Variants in CCBE1 observed in about 807,000 individuals in gnomAD.
The protein encoded by CCBE1 is collagen and calcium-binding EGF domain-containing protein 1.
In CCBE1, 37 loss-of-function variants were observed where a neutral mutation model predicts 50.0. The observed-to-expected ratio is 0.74, with a 90% CI of 0.57 to 0.97. The LOEUF is 0.97. Ranked by LOEUF, CCBE1 falls within the 50% of genes least tolerant of loss-of-function variation. CCBE1 has a pLI of 0.00. For missense variants in CCBE1, 538 were observed against 523.8 expected, an observed-to-expected ratio of 1.03 and a Z score of -0.26; for synonymous variants, 234 against 203.7, an observed-to-expected ratio of 1.15 and a Z score of -1.27.
chr18:59,453,640 A>C (rs1410157913), intron 6 of CCBE1, among the ~76,000 whole-genome samples: 1 of 152,186 alleles, frequency 6.6e-6, no homozygotes, highest in Non-Finnish European at 1.5e-5. Context: ...TGAACATGGG[A>C]AAGAGATACC....
chr18:59,637,735 GT>G (rs1309029874), intron 2 of CCBE1, among the ~76,000 whole-genome samples: 1 of 152,180 alleles, frequency 6.6e-6, no homozygotes, highest in African/African-American at 2.4e-5. Context: ...TTTAAAAATT[GT>G]GGAGAAATGA....
At chr18:59,650,177 T>C (rs1200927219) in intron 2 of CCBE1, among the ~76,000 whole-genome samples, 1 of 151,956 alleles carries the variant, frequency 6.6e-6, no homozygotes, top group Non-Finnish European at 1.5e-5. Context: ...ACCATAATTA[T>C]TCTCAGAATC....
At chr18:59,585,780 G>A (rs1039160009) in intron 2 of CCBE1, among the ~76,000 whole-genome samples, 4 of 152,126 alleles carry the variant, frequency 2.6e-5, no homozygotes, top group African/African-American at 9.7e-5. Context: ...TGTACAAACA[G>A]CTTAATCCAC....
chr18:59,447,622 C>T (rs1910737046), intron 7 of CCBE1, among the ~76,000 whole-genome samples: 1 of 152,012 alleles, frequency 6.6e-6, no homozygotes, highest in African/African-American at 2.4e-5. Flanking sequence ...GGGTGAGGAG[C>T]CCCAAGCAGG....
At chr18:59,522,225 G>C (rs1456256000) in intron 2 of CCBE1, among the ~76,000 whole-genome samples, 1 of 150,556 alleles carries the variant, frequency 6.6e-6, no homozygotes, top group African/African-American at 2.4e-5. Flanking sequence ...AATTTCTTTA[G>C]TATATATCGT....
At chr18:59,486,315 A>G (rs1031770400) in intron 2 of CCBE1, among the ~76,000 whole-genome samples, 2 of 152,220 alleles carry the variant, frequency 1.3e-5, no homozygotes, top group Non-Finnish European at 2.9e-5. Context: ...CTTATGACTC[A>G]TCTCTTTCTT....
At chr18:59,490,260 C>G (rs1202102643) in intron 2 of CCBE1, among the ~76,000 whole-genome samples, 1 of 152,064 alleles carries the variant, frequency 6.6e-6, no homozygotes, top group Non-Finnish European at 1.5e-5. Context: ...GCTGGGATTA[C>G]AGGCGTGAGC....
At chr18:59,660,084 C>A (rs1304602682) in intron 2 of CCBE1, among the ~76,000 whole-genome samples, 1 of 152,188 alleles carries the variant, frequency 6.6e-6, no homozygotes, top group African/African-American at 2.4e-5. Context: ...CCCCTGCATA[C>A]AATTGCATAG....
chr18:59,642,008 G>GA (rs141536216), intron 2 of CCBE1, among the ~76,000 whole-genome samples: 4,935 of 151,898 alleles, frequency 0.032, 273 homozygotes, highest in African/African-American at 0.11. Context: ...TAGATATTGA[G>GA]AAAAAATGTA....
At chr18:59,542,192 C>T (rs574687039) in intron 2 of CCBE1, among the ~76,000 whole-genome samples, 93 of 117,332 alleles carry the variant, frequency 7.9e-4, no homozygotes, top group African/African-American at 2.9e-3. Flanking sequence ...AAAAAAAATT[C>T]CCTACAATTA....
rs1912882106 is a variant in CCBE1, at chr18:59,487,563, TAA to T, written c.213-7327_213-7326del. 2.6e-5 allele frequency among the ~76,000 whole-genome samples: 4 copies of T among 152,162 alleles called. No homozygotes were observed. In the South Asian group the frequency reaches 8.3e-4, roughly 32 times the overall value. On this transcript the variant is annotated intron_variant, in intron 2 of 10. Coordinates refer to ENST00000439986, the MANE Select transcript of CCBE1 (RefSeq NM_133459.4). ...AAGACTGCTCCTCCCAGGCAAACGT[TAA>T]GAGTATCATGGTCACTACAGCAACC...
chr18:59,513,776 T>C (rs1198945888), intron 2 of CCBE1, among the ~76,000 whole-genome samples: 2 of 152,196 alleles, frequency 1.3e-5, no homozygotes, highest in Non-Finnish European at 2.9e-5. Flanking sequence ...TTGTACCTCA[T>C]ATTAGAGACA....
rs35277466 is a variant in CCBE1, at chr18:59,510,426, C to CT, written c.213-30189dup. Among the ~76,000 whole-genome samples, 203 of 147,254 alleles carry CT rather than the reference C, an allele frequency of 1.4e-3. 1 individual carries two copies. The highest frequency in any genetic ancestry group is 3.6e-3 in the Admixed American group (53 of 14,766). ...AATAATTTTTAAGTTGCAAATTGAA[C>CT]TTTTTTTTTTTTGAGATGGAGTTTT... On this transcript the variant is annotated intron_variant, in intron 2 of 10. Transcript: ENST00000439986.
chr18:59,595,437 G>A (rs1046122884), intron 2 of CCBE1, among the ~76,000 whole-genome samples: 3 of 152,082 alleles, frequency 2.0e-5, no homozygotes, highest in African/African-American at 7.2e-5. Flanking sequence ...TACCAACCCT[G>A]TGTCCCTATC....
At chr18:59,670,082 G>A (rs151038860) in intron 2 of CCBE1, among the ~76,000 whole-genome samples, 1 of 151,810 alleles carries the variant, frequency 6.6e-6, no homozygotes, top group Non-Finnish European at 1.5e-5. Context: ...TTCAACATGT[G>A]CTTCTATTTT....
Position 59,431,263 on chromosome 18 carries a change from T to C in CCBE1, c.*4645A>G, listed in dbSNP as rs577615695. 4.6e-5 allele frequency: 7 copies of C among 152,364 alleles called. No individual in the cohort carries two copies. Among genetic ancestry groups the C allele is most frequent in the African/African-American group, 1.7e-4 (7 of 41,578 alleles). The allele number at this position is 152,364 out of a possible 1,614,324, so 9.4% of individuals were successfully genotyped here. The stretch of plus-strand genomic sequence containing the variant: ...TTAACAATTACAGTCATGGTGTGTT[T>C]TGTTTTCCAAATGGAAAATTATTTT... On this transcript the variant is annotated 3_prime_UTR_variant, in exon 11 of 11. Transcript: ENST00000439986.
chr18:59,480,465 C>T (rs1249473565), intron 2 of CCBE1, among the ~76,000 whole-genome samples: 1 of 152,014 alleles, frequency 6.6e-6, no homozygotes, highest in African/African-American at 2.4e-5. Flanking sequence ...TATATGAAAT[C>T]AACATTTTGA....
chr18:59,536,376 T>A (rs1322936454), intron 2 of CCBE1, among the ~76,000 whole-genome samples: 1 of 152,218 alleles, frequency 6.6e-6, no homozygotes, highest in Non-Finnish European at 1.5e-5. Context: ...TTCCACACCA[T>A]GAGCACCACC....
intron 2 of CCBE1, among the ~76,000 whole-genome samples, chr18:59,633,735 T>G (rs1242725822): frequency 1.1e-4 from 16 of 150,838 alleles, no homozygotes; most frequent in East Asian, 7.7e-4. Flanking sequence ...GGGTTTGTTT[T>G]TTTTTTTTTA....
Sources: gnomAD v4.1 joint callset for allele counts (sites outside exome capture counted in the v4.1 genomes callset) on GRCh38, gnomAD v4.1.1 for gene constraint, MANE v1.5 for transcripts, NCBI Gene and HGNC (gene_info 2026-07-23, HGNC 2026-07-21) for gene names.